The following VWA8 variants were observed in gnomAD, a reference collection of about 807,000 sequenced individuals.
VWA8 encodes the protein von Willebrand factor A domain containing 8.
VWA8 carries 221 observed loss-of-function variants against 241.5 expected under a neutral mutation model. The ratio of observed to expected loss-of-function variants is 0.91; its 90% CI spans 0.82 to 1.02. The LOEUF (loss-of-function observed/expected upper bound fraction) is 1.02, where lower values mean the gene tolerates loss of function less well. Among genes scored for constraint, VWA8 ranks in the 50% least tolerant of loss-of-function variants. VWA8 has a pLI of 0.00. For missense variants in VWA8, 2,322 were observed against 2,328.7 expected, an observed-to-expected ratio of 1.00 and a Z score of 0.06; for synonymous variants, 852 against 827.1, an observed-to-expected ratio of 1.03 and a Z score of -0.52.
chr13:41,648,585 C>T (rs1566401382), intron 37 of VWA8, among the ~76,000 whole-genome samples: 1 of 152,166 alleles, frequency 6.6e-6, no homozygotes. Context: ...TCATCTATGT[C>T]TATAAAAGGT....
chr13:41,734,844 G>A (rs2045512877), intron 21 of VWA8, among the ~76,000 whole-genome samples: 1 of 152,298 alleles, frequency 6.6e-6, no homozygotes, highest in Middle Eastern at 3.4e-3. Flanking sequence ...TAAAGATAAA[G>A]CCCTGTGGGA....
chr13:41,691,989 A>C (rs1433622506), intron 30 of VWA8, 51 bp from the exon 31 acceptor site: 1 of 1,261,282 alleles, frequency 7.9e-7, no homozygotes, highest in Non-Finnish European at 1.2e-6. Context: ...AGATACAGTC[A>C]TGTCCCTCTT....
intron 26 of VWA8, among the ~76,000 whole-genome samples, chr13:41,703,988 G>A (rs1244197909): frequency 1.3e-5 from 2 of 151,984 alleles, no homozygotes; most frequent in East Asian, 1.9e-4. Context: ...GGTTGGTCTC[G>A]ACCTCAGGTG....
chr13:41,836,210 T>C (rs779783587), intron 12 of VWA8, among the ~76,000 whole-genome samples: 7 of 152,110 alleles, frequency 4.6e-5, no homozygotes, highest in Non-Finnish European at 7.4e-5. Flanking sequence ...CAAAATAACA[T>C]AAATTAAAAG....
chr13:41,845,394 T>A (rs79212011), intron 12 of VWA8, among the ~76,000 whole-genome samples: 1,999 of 152,264 alleles, frequency 0.013, 24 homozygotes, highest in Middle Eastern at 0.048. Context: ...TCAGCCACTG[T>A]GGAAAGCAGT....
chr13:41,882,901 G>A (rs1874331746), intron 9 of VWA8, among the ~76,000 whole-genome samples: 1 of 151,996 alleles, frequency 6.6e-6, no homozygotes, highest in Admixed American at 6.5e-5. Context: ...TGCCTTAGGA[G>A]ACAGCTAGAA....
chr13:41,665,494 T>C (rs913934026), intron 37 of VWA8, among the ~76,000 whole-genome samples: 9 of 152,098 alleles, frequency 5.9e-5, no homozygotes, highest in Non-Finnish European at 1.2e-4. Flanking sequence ...GAAGCTTTTA[T>C]TTCTATAGCC....
chr13:41,912,273 A>T, intron 2 of VWA8, 105 bp from the exon 3 acceptor site: 2 of 822,474 alleles, frequency 2.4e-6, no homozygotes, highest in South Asian at 9.3e-5. Flanking sequence ...CGTATATAAA[A>T]TATGTGTTTA....
rs765297028 is a variant in VWA8, at chr13:41,819,270, T to C, written c.1817A>G (p.His606Arg). 3 of 1,612,908 alleles carry C rather than the reference T, an allele frequency of 1.9e-6. No homozygotes were observed. Among genetic ancestry groups the C allele is most frequent in the South Asian group, 1.1e-5 (1 of 90,550 alleles). Residue 606 changes from histidine (H) to arginine (R), a missense_variant, in exon 15 of 45, where the codon CAT becomes CGT. Coordinates refer to ENST00000379310, the MANE Select transcript of VWA8 (RefSeq NM_015058.2). The part of the protein sequence containing the change: ...GPEFLTMFFF[H>R]YMKPLVKSEE... ...ACTTTTCACAAGTGGTTTCATGTAA[T>C]GGAAAAAGAACATGGTTAAGAATTC...
intron 5 of VWA8, among the ~76,000 whole-genome samples, chr13:41,889,413 C>G (rs1020320077): frequency 2.6e-5 from 4 of 151,154 alleles, no homozygotes; most frequent in Non-Finnish European, 5.9e-5. Flanking sequence ...GAGTCTCGCT[C>G]CCTCACCCAG....
At position 41,835,888 on chromosome 13, in the gene VWA8, T is replaced by C. The variant is rs939055401; in HGVS notation, c.1426-2357A>G. ...CATAGAGTTACATCACACATTACCT[T>C]GGAAAAGTAAAAAAAGAAACAGAAA... On this transcript the variant is annotated intron_variant, in intron 12 of 44. Transcript: ENST00000379310. 4.6e-5 allele frequency among the ~76,000 whole-genome samples: 7 copies of C among 152,210 alleles called. No individual in the cohort carries two copies. In the East Asian group the frequency reaches 1.3e-3, roughly 29 times the overall value.
chr13:41,748,723 A>G, intron 21 of VWA8, among the ~76,000 whole-genome samples: 1 of 152,220 alleles, frequency 6.6e-6, no homozygotes, highest in East Asian at 1.9e-4. Context: ...CAACTATCTG[A>G]TCTTTGACAA....
intron 21 of VWA8, among the ~76,000 whole-genome samples, chr13:41,733,390 G>A (rs2045500279): frequency 6.6e-6 from 1 of 152,150 alleles, no homozygotes; most frequent in Non-Finnish European, 1.5e-5. Flanking sequence ...TCAAATTCTT[G>A]TTTTTGCCCC....
chr13:41,642,701 G>C (rs959530623), intron 37 of VWA8, among the ~76,000 whole-genome samples: 1 of 151,878 alleles, frequency 6.6e-6, no homozygotes, highest in Non-Finnish European at 1.5e-5. Context: ...GGCTGAGGTG[G>C]GTGGATCACC....
At chr13:41,845,118 A>C (rs558588566) in intron 12 of VWA8, among the ~76,000 whole-genome samples, 49 of 152,236 alleles carry the variant, frequency 3.2e-4, no homozygotes, top group Non-Finnish European at 4.7e-4. Context: ...GAACAAAGCC[A>C]GAGGCATCAC....
At chr13:41,572,175 T>C (rs1366793954) in intron 43 of VWA8, among the ~76,000 whole-genome samples, 1 of 147,962 alleles carries the variant, frequency 6.8e-6, no homozygotes, top group Non-Finnish European at 1.5e-5. Context: ...GGGAGGGAGG[T>C]GGGGGGTCAG....
At chr13:41,896,686 G>C (rs1875125142) in intron 4 of VWA8, among the ~76,000 whole-genome samples, 1 of 152,060 alleles carries the variant, frequency 6.6e-6, no homozygotes, top group African/African-American at 2.4e-5. Flanking sequence ...CTGGTTATTA[G>C]AGAGCTAAAG....
chr13:41,855,660 G>C (rs924820537), intron 12 of VWA8, among the ~76,000 whole-genome samples: 1 of 152,032 alleles, frequency 6.6e-6, no homozygotes, highest in Non-Finnish European at 1.5e-5. Context: ...GTTGCCAGGG[G>C]CTGGGTTTGG....
chr13:41,794,768 A>G (rs1016745793), intron 17 of VWA8, among the ~76,000 whole-genome samples: 1 of 152,034 alleles, frequency 6.6e-6, no homozygotes, highest in African/African-American at 2.4e-5. Context: ...TTGGCTGTGG[A>G]CCCCATCCTT....
Sources: gnomAD v4.1 joint callset for allele counts (sites outside exome capture counted in the v4.1 genomes callset) on GRCh38, gnomAD v4.1.1 for gene constraint, MANE v1.5 for transcripts, NCBI Gene and HGNC (gene_info 2026-07-23, HGNC 2026-07-21) for gene names.